The following MMS22L variants were observed in gnomAD, a reference collection of about 807,000 sequenced individuals.
MMS22L encodes the protein protein MMS22-like.
A neutral mutation model predicts 159.1 loss-of-function variants in MMS22L; 74 were observed. The observed-to-expected ratio is 0.47, with a 90% CI of 0.39 to 0.56. The LOEUF is 0.56. Among genes scored for constraint, MMS22L ranks in the 20% least tolerant of loss-of-function variants. MMS22L has a pLI of 0.00. For missense variants in MMS22L, 1,351 were observed against 1,422.1 expected (o/e 0.95, Z 0.80); for synonymous variants, 517 against 506.9 (o/e 1.02, Z -0.27).
intron 14 of MMS22L, among the ~76,000 whole-genome samples, chr6:97,223,191 G>C (rs958325448): frequency 6.6e-6 from 1 of 151,988 alleles, no homozygotes; most frequent in Non-Finnish European, 1.5e-5. Context: ...AGTGATCATA[G>C]ATCCTTCCTA....
At chr6:97,234,986 G>A (rs1191224255) in intron 11 of MMS22L, among the ~76,000 whole-genome samples, 2 of 152,100 alleles carry the variant, frequency 1.3e-5, no homozygotes, top group African/African-American at 2.4e-5. Context: ...ACTGGTCTTG[G>A]TAAGAAATTT....
chr6:97,148,247 A>G (rs1028106083), intron 24 of MMS22L, among the ~76,000 whole-genome samples: 17 of 152,382 alleles, frequency 1.1e-4, no homozygotes, highest in African/African-American at 4.1e-4. Flanking sequence ...TACATAGTAT[A>G]TAATACTTGA....
At chr6:97,149,404 C>T (rs906857710) in intron 24 of MMS22L, among the ~76,000 whole-genome samples, 1 of 152,038 alleles carries the variant, frequency 6.6e-6, no homozygotes, top group African/African-American at 2.4e-5. Flanking sequence ...TTGACCAAAA[C>T]CTATACTGTC....
Position 97,178,436 on chromosome 6 carries a change from C to T in MMS22L, c.2679+7G>A, listed in dbSNP as rs142367979. On this transcript the variant is annotated splice_region_variant and intron_variant, in intron 18 of 24. Transcript: ENST00000683635. The stretch of plus-strand genomic sequence containing the variant: ...TCTGGACAATTATACTAATAAATGA[C>T]AAATACCTCAAAGAATCGAACAAGT... The T allele has an allele frequency of 2.5e-4, 381 of 1,526,750 alleles. 2 individuals are homozygous for T. The African/African-American group carries it at 4.3e-3, about 17-fold the overall frequency. 94.6% of individuals were successfully genotyped at this position (1,526,750 alleles called of 1,614,324 possible).
chr6:97,254,761 A>C, intron 9 of MMS22L, 28 bp from the exon 10 acceptor site: 1 of 1,524,026 alleles, frequency 6.6e-7, no homozygotes, highest in Non-Finnish European at 8.8e-7. Flanking sequence ...ATTTGATTCC[A>C]TTAAGACAGT....
At chr6:97,234,075 A>C (rs1811148918) in intron 11 of MMS22L, 95 bp from the exon 12 acceptor site, 1 of 1,342,750 alleles carries the variant, frequency 7.4e-7, no homozygotes, top group Non-Finnish European at 1.0e-6. Context: ...TGCAGCTAAA[A>C]AGAAAATAAA....
At chr6:97,251,372 A>G (rs1282603575) in intron 10 of MMS22L, among the ~76,000 whole-genome samples, 5 of 152,326 alleles carry the variant, frequency 3.3e-5, no homozygotes, top group African/African-American at 1.2e-4. Context: ...CACTGAGATA[A>G]TACACAGTCA....
intron 10 of MMS22L, 145 bp from the exon 11 acceptor site, chr6:97,246,835 T>C: frequency 1.7e-6 from 1 of 574,308 alleles, no homozygotes; most frequent in Non-Finnish European, 3.0e-6. Context: ...AATATTCCTT[T>C]GGTAAAGAGT....
intron 16 of MMS22L, among the ~76,000 whole-genome samples, chr6:97,180,916 T>C (rs1340564938): frequency 6.6e-6 from 1 of 152,176 alleles, no homozygotes; most frequent in Non-Finnish European, 1.5e-5. Flanking sequence ...TCTCTCTTCA[T>C]TTCCACTGAT....
intron 18 of MMS22L, among the ~76,000 whole-genome samples, chr6:97,176,247 C>T (rs758306664): frequency 1.7e-4 from 26 of 152,046 alleles, no homozygotes; most frequent in Non-Finnish European, 2.8e-4. Context: ...AATATTAATA[C>T]TGTTTTGAGC....
At chr6:97,177,649 T>G (rs1050863736) in intron 18 of MMS22L, among the ~76,000 whole-genome samples, 2 of 152,150 alleles carry the variant, frequency 1.3e-5, no homozygotes, top group African/African-American at 4.8e-5. Context: ...GAATGTGTAT[T>G]TTACATCTGC....
intron 14 of MMS22L, among the ~76,000 whole-genome samples, chr6:97,218,517 T>C (rs1242330910): frequency 6.6e-6 from 1 of 152,216 alleles, no homozygotes; most frequent in Non-Finnish European, 1.5e-5. Flanking sequence ...TTCATGTGAC[T>C]GGTTCACTGA....
chr6:97,270,455 G>A (rs1815613977), intron 6 of MMS22L: 1 of 294,228 alleles, frequency 3.4e-6, no homozygotes, highest in Admixed American at 4.5e-5. Context: ...AGAAACAGAA[G>A]TTAAAAGAGG....
At chr6:97,267,179 C>T (rs1815214149) in intron 8 of MMS22L, 2 of 152,144 alleles carry the variant, frequency 1.3e-5, no homozygotes, top group South Asian at 4.1e-4. Flanking sequence ...CACATACACA[C>T]TAAATTGTAA....
intron 14 of MMS22L, among the ~76,000 whole-genome samples, chr6:97,215,114 A>ATATATATATATATATATATTTTTT (rs1209431095): frequency 1.1e-5 from 1 of 87,190 alleles, no homozygotes; most frequent in African/African-American, 3.5e-5. Context: ...ATATATATAT[A>ATATATATATATATATATATTTTTT]TTTTTTTTTT....
At chr6:97,159,948 G>GTTTTTTTTTT (rs368455553) in intron 22 of MMS22L, among the ~76,000 whole-genome samples, 1,413 of 96,752 alleles carry the variant, frequency 0.015, 2 homozygotes, top group East Asian at 0.019. Context: ...TATCATTTCT[G>GTTTTTTTTTT]TTTTTTTTTT....
chr6:97,267,759 T>C, intron 8 of MMS22L, 113 bp downstream of exon 8: 2 of 980,594 alleles, frequency 2.0e-6, no homozygotes, highest in South Asian at 1.0e-4. Context: ...CAACTAAATA[T>C]AAAATTAGAA....
intron 24 of MMS22L, 76 bp from the exon 25 acceptor site, chr6:97,146,963 G>T (rs370965603): frequency 4.5e-4 from 455 of 1,020,484 alleles, no homozygotes; most frequent in Admixed American, 6.8e-4. Context: ...TACAAATTAA[G>T]TCTGCCCATC....
intron 15 of MMS22L, 85 bp from the exon 16 acceptor site, chr6:97,182,139 TG>T: frequency 4.5e-6 from 5 of 1,115,012 alleles, no homozygotes; most frequent in South Asian, 1.9e-5. Context: ...TTATAACAAG[TG>T]TTTTTTTTTT....
Sources: allele counts gnomAD v4.1 joint callset (sites outside exome capture counted in the v4.1 genomes callset), GRCh38; gene constraint gnomAD v4.1.1; transcripts MANE v1.5; gene names NCBI Gene and HGNC (gene_info 2026-07-23, HGNC 2026-07-21).